PIGL: variants seen among roughly 807,000 people sequenced by gnomAD.
PIGL encodes phosphatidylinositol glycan anchor biosynthesis class L.
A neutral mutation model predicts 31.1 loss-of-function variants in PIGL; 22 were observed. That is an observed-to-expected ratio of 0.71 (90% CI 0.51 to 1.01). The LOEUF (loss-of-function observed/expected upper bound fraction) is 1.01. PIGL is among the 50% of genes least tolerant of loss of function. The pLI is 0.00. For missense variants in PIGL, 302 were observed against 315.9 expected, an observed-to-expected ratio of 0.96 and a Z score of 0.33; for synonymous variants, 131 against 117.4, an observed-to-expected ratio of 1.12 and a Z score of -0.75.
intron 2 of PIGL, among the ~76,000 whole-genome samples, chr17:16,258,061 C>CAGAA (rs1323130888): frequency 1.3e-5 from 1 of 76,508 alleles, no homozygotes; most frequent in African/African-American, 6.2e-5. Context: ...AAAACTTTGT[C>CAGAA]AGAAAGAAAG....
intron 1 of PIGL, among the ~76,000 whole-genome samples, chr17:16,229,087 A>T (rs556311468): frequency 6.6e-6 from 1 of 152,168 alleles, no homozygotes; most frequent in African/African-American, 2.4e-5. Context: ...TCTGGACAAC[A>T]TAGTGAGATT....
chr17:16,256,431 G>A (rs1256109475), intron 2 of PIGL, among the ~76,000 whole-genome samples: 7 of 152,000 alleles, frequency 4.6e-5, no homozygotes, highest in Admixed American at 2.6e-4. Flanking sequence ...TCCACCTCCC[G>A]ATTCCTCTGC....
Position 16,317,865 on chromosome 17 carries a change from A to T in PIGL, c.617A>T (p.Asp206Val). Reference sequence around the variant, plus strand: ...CCCTTGTCTCTGCTTCATACGCAGGATGTCCTCTTCGTGCTCAACAGCAAA... The same window carrying T: ...CCCTTGTCTCTGCTTCATACGCAGGTTGTCCTCTTCGTGCTCAACAGCAAA... The part of the protein sequence containing the change: ...DLPLSLLHTQ[D>V]VLFVLNSKEV... Residue 206 changes from aspartate to valine, a missense_variant, in exon 6 of 7, where the codon GAT becomes GTT. Asp to Val is a radical substitution (Grantham distance 152). Coordinates refer to ENST00000225609, the MANE Select transcript of PIGL (RefSeq NM_004278.4). 6.2e-7 allele frequency: 1 copy of T among 1,614,058 alleles called. No individual in the cohort carries two copies. The highest frequency in any genetic ancestry group is 8.5e-7 in the Non-Finnish European group (1 of 1,180,032).
chr17:16,298,761 C>T (rs2142833117), intron 2 of PIGL, among the ~76,000 whole-genome samples: 1 of 152,114 alleles, frequency 6.6e-6, no homozygotes, highest in Middle Eastern at 3.4e-3. Context: ...GGTGCAGTGG[C>T]TCACGCCTGT....
chr17:16,217,634 G>A, intron 1 of PIGL, 173 bp downstream of exon 1: 29 of 529,908 alleles, frequency 5.5e-5, no homozygotes, highest in Admixed American at 1.4e-4. Flanking sequence ...GGCTTACCTG[G>A]TGGGTTGGGG....
intron 2 of PIGL, among the ~76,000 whole-genome samples, chr17:16,280,024 G>C (rs1430958537): frequency 6.6e-6 from 1 of 152,154 alleles, no homozygotes. Flanking sequence ...ATTACCAGTA[G>C]AGGAACAGAC....
At chr17:16,303,912 C>T (rs2093015906) in intron 3 of PIGL, among the ~76,000 whole-genome samples, 2 of 152,152 alleles carry the variant, frequency 1.3e-5, no homozygotes, top group African/African-American at 4.8e-5. Context: ...GACGGGGTTT[C>T]GCCGTGTTAG....
intron 2 of PIGL, among the ~76,000 whole-genome samples, chr17:16,240,917 C>T (rs187668218): frequency 5.3e-5 from 8 of 151,558 alleles, no homozygotes; most frequent in Non-Finnish European, 1.0e-4. Flanking sequence ...GAGTTCGAGA[C>T]CAGCCTGACC....
intron 3 of PIGL, among the ~76,000 whole-genome samples, chr17:16,302,274 A>G (rs552838659): frequency 1.0e-3 from 155 of 152,186 alleles, no homozygotes; most frequent in Admixed American, 4.1e-3. Context: ...TACCCTTCCC[A>G]GAGGATCTGA....
At chr17:16,314,174 G>C (rs2093066366) in intron 4 of PIGL, among the ~76,000 whole-genome samples, 1 of 152,148 alleles carries the variant, frequency 6.6e-6, no homozygotes, top group Non-Finnish European at 1.5e-5. Context: ...AAGCTCAAAG[G>C]TATTGAGTGA....
chr17:16,319,801 A>C (rs1475426041), intron 6 of PIGL, among the ~76,000 whole-genome samples: 2 of 151,578 alleles, frequency 1.3e-5, no homozygotes, highest in African/African-American at 2.4e-5. Context: ...AGAAGCCCAC[A>C]TGCAGGGTGA....
intron 2 of PIGL, among the ~76,000 whole-genome samples, chr17:16,241,114 C>CAA (rs35578509): frequency 0.09 from 4,704 of 52,486 alleles, 256 homozygotes; most frequent in African/African-American, 0.19. Flanking sequence ...AACTCCCTCT[C>CAA]AAAAAAAAAA....
intron 2 of PIGL, among the ~76,000 whole-genome samples, chr17:16,255,673 T>C (rs1261445275): frequency 6.6e-6 from 1 of 152,144 alleles, no homozygotes; most frequent in Non-Finnish European, 1.5e-5. Context: ...AAAAAGACCA[T>C]AGCTTGCTGC....
At chr17:16,261,679 C>T (rs931658507) in intron 2 of PIGL, among the ~76,000 whole-genome samples, 1 of 151,836 alleles carries the variant, frequency 6.6e-6, no homozygotes, top group African/African-American at 2.4e-5. Context: ...AGTTTGAGAC[C>T]CGCCTGGAAT....
At chr17:16,223,084 T>G (rs1200764692) in intron 1 of PIGL, among the ~76,000 whole-genome samples, 1 of 152,216 alleles carries the variant, frequency 6.6e-6, no homozygotes, top group Non-Finnish European at 1.5e-5. Flanking sequence ...TGCTATCCTC[T>G]ATGTAGACGT....
intron 2 of PIGL, among the ~76,000 whole-genome samples, chr17:16,250,224 A>C (rs1368248735): frequency 1.3e-5 from 2 of 152,204 alleles, no homozygotes; most frequent in Non-Finnish European, 2.9e-5. Flanking sequence ...TGCTGGGATT[A>C]CAGGCATGAG....
chr17:16,320,807 G>A (rs1251282957), intron 6 of PIGL, among the ~76,000 whole-genome samples: 1 of 151,462 alleles, frequency 6.6e-6, no homozygotes, highest in Non-Finnish European at 1.5e-5. Flanking sequence ...GCTAATTTTT[G>A]TATTTTTAAT....
In PIGL at chr17:16,316,708, T is replaced by C. The variant is rs2093078757; in HGVS notation, c.522T>C (p.Pro174=). ...CCCTGCACTCAGAAGGGAAGTTACC[T>C]AAAGGTAAGGCTTGTTCCTTTTGCA... The part of the protein sequence containing the change: ...VRALHSEGKL[P]KGCSVLTLQS... The change falls in exon 5 of 7, where the codon CCT becomes CCC. Residue 174 remains proline (P), a synonymous_variant. Coordinates refer to ENST00000225609, the MANE Select transcript of PIGL (RefSeq NM_004278.4). 1 of 1,608,624 alleles carries C rather than the reference T, an allele frequency of 6.2e-7. No individual in the cohort carries two copies. The highest frequency in any genetic ancestry group is 8.5e-7 in the Non-Finnish European group (1 of 1,175,540).
chr17:16,231,768 C>T (rs1204374425), intron 1 of PIGL, among the ~76,000 whole-genome samples: 1 of 152,072 alleles, frequency 6.6e-6, no homozygotes, highest in East Asian at 1.9e-4. Context: ...TATACACAAA[C>T]ACACACATAA....
Sources: gnomAD v4.1 joint callset for allele counts (sites outside exome capture counted in the v4.1 genomes callset) on GRCh38, gnomAD v4.1.1 for gene constraint, MANE v1.5 for transcripts, NCBI Gene and HGNC (gene_info 2026-07-23, HGNC 2026-07-21) for gene names.